Variants in DNAH17 observed in about 807,000 individuals in gnomAD.
The protein encoded by DNAH17 is dynein axonemal heavy chain 17, also known as axonemal beta dynein heavy chain 17.
Under a neutral mutation model 485.6 loss-of-function variants are expected in DNAH17, and 376 were observed. That is an observed-to-expected ratio of 0.77 (90% CI 0.71 to 0.84). The LOEUF is 0.84. DNAH17 is among the 40% of genes least tolerant of loss of function. DNAH17 has a pLI of 0.00. For missense variants in DNAH17, 6,370 were observed against 5,839.3 expected, an observed-to-expected ratio of 1.09 and a Z score of -2.96; for synonymous variants, 3,031 against 2,405.9, an observed-to-expected ratio of 1.26 and a Z score of -7.60.
chr17:78,560,852 A>G lies in DNAH17; in HGVS notation c.1919T>C (p.Ile640Thr), dbSNP rs1265269664. The G allele has an allele frequency of 1.9e-6, 3 of 1,551,614 alleles. No individual in the cohort carries two copies. Among genetic ancestry groups the G allele is most frequent in the East Asian group, 2.4e-5 (1 of 40,916 alleles). Reference protein sequence around the residue: ...MELLRCHREKIYQQWVAGVDQ... With the variant: ...MELLRCHREKTYQQWVAGVDQ... ...CACGCCCGCCACCCACTGCTGGTAG[A>G]TCTTCTCGCGGTGGCACCTCAGCAG... Residue 640 changes from isoleucine to threonine, a missense_variant, in exon 13 of 81, where the codon ATC (isoleucine) becomes ACC (threonine). Transcript: ENST00000389840.
At chr17:78,562,856 G>A (rs1246730090) in intron 11 of DNAH17, among the ~76,000 whole-genome samples, 1 of 152,120 alleles carries the variant, frequency 6.6e-6, no homozygotes, top group Non-Finnish European at 1.5e-5. Flanking sequence ...CCAAGTGGGA[G>A]GGGGACCAGA....
At chr17:78,552,197 T>C (rs1352589427) in intron 15 of DNAH17, among the ~76,000 whole-genome samples, 1 of 152,150 alleles carries the variant, frequency 6.6e-6, no homozygotes, top group East Asian at 1.9e-4. Context: ...CCCAGACTCC[T>C]CACGTTAAAG....
At chr17:78,489,402 A>G (rs1307132722) in intron 44 of DNAH17, 1 of 152,050 alleles carries the variant, frequency 6.6e-6, no homozygotes, top group Non-Finnish European at 1.5e-5. Flanking sequence ...CCAAGGCAGG[A>G]CTCGCCTCAC....
chr17:78,548,628 C>T (rs532315407), intron 16 of DNAH17, among the ~76,000 whole-genome samples: 8 of 152,302 alleles, frequency 5.3e-5, no homozygotes, highest in African/African-American at 1.9e-4. Flanking sequence ...CTTTGAACAG[C>T]CTCCTTTTGG....
chr17:78,476,562 C>G lies in DNAH17; in HGVS notation c.8154+10G>C. On this transcript the variant is annotated intron_variant, in intron 52 of 80. Coordinates refer to ENST00000389840, the MANE Select transcript of DNAH17 (RefSeq NM_173628.4). ...TGGGCTCGGCAGAGGGACTGGGCAGCTTGACTTACATCAAAGAACTTCTTG... is the reference window on the plus strand; with the variant it reads ...TGGGCTCGGCAGAGGGACTGGGCAGGTTGACTTACATCAAAGAACTTCTTG... 6.2e-7 allele frequency: 1 copy of G among 1,605,908 alleles called. No homozygotes were observed. The highest frequency in any genetic ancestry group is 1.1e-5 in the South Asian group (1 of 89,306).
rs2086469466 is a variant in DNAH17 at position 78,426,502 on chromosome 17, C to G, written c.12870G>C (p.Met4290Ile). The G allele has an allele frequency of 6.2e-7, 1 of 1,613,280 alleles. No individual in the cohort carries two copies. ...DTWVARAYPS[M>I]MGLAAWYADL... ...CTGCGTACCAGGCCGCCAGGCCCAT[C>G]ATGGAGGGGTAGGCCCGGGCCACCC... Residue 4290 changes from methionine (M) to isoleucine (I), a missense_variant, in exon 79 of 81, where the codon ATG becomes ATC. Coordinates refer to ENST00000389840, the MANE Select transcript of DNAH17 (RefSeq NM_173628.4).
intron 30 of DNAH17, among the ~76,000 whole-genome samples, 183 bp downstream of exon 30, chr17:78,506,537 T>A (rs1446228469): frequency 6.6e-6 from 1 of 152,098 alleles, no homozygotes; most frequent in Non-Finnish European, 1.5e-5. Context: ...GTGAGGCGAG[T>A]CCTGCCACGT....
Position 78,569,153 on chromosome 17 carries a change from G to A in DNAH17, c.1284+13C>T, listed in dbSNP as rs2143711606. ...GGAAGTGGAGGTCAAGATGCACCGAGTTCTGTTTTTACCTCAATGGTCTGG... is the reference window on the plus strand; with the variant it reads ...GGAAGTGGAGGTCAAGATGCACCGAATTCTGTTTTTACCTCAATGGTCTGG... On this transcript the variant is annotated intron_variant, in intron 9 of 80. Coordinates refer to ENST00000389840, the MANE Select transcript of DNAH17 (RefSeq NM_173628.4). 4.4e-6 allele frequency: 7 copies of A among 1,583,502 alleles called. No homozygotes were observed. Among genetic ancestry groups the A allele is most frequent in the Non-Finnish European group, 6.0e-6 (7 of 1,163,192 alleles).
chr17:78,499,374 A>C, intron 36 of DNAH17: 1 of 331,598 alleles, frequency 3.0e-6, no homozygotes, highest in Non-Finnish European at 5.4e-6. Context: ...GGAGTCCCTA[A>C]TAAGGGGCTC....
At chr17:78,498,037 G>C (rs1159090753) in intron 37 of DNAH17, among the ~76,000 whole-genome samples, 1 of 152,074 alleles carries the variant, frequency 6.6e-6, no homozygotes, top group Non-Finnish European at 1.5e-5. Flanking sequence ...AGCTACTCGG[G>C]AGGCTGAGGC....
intron 19 of DNAH17, among the ~76,000 whole-genome samples, chr17:78,536,227 C>T (rs897350732): frequency 7.2e-5 from 11 of 151,868 alleles, no homozygotes; most frequent in Non-Finnish European, 1.5e-4. Context: ...ATCACAAGGT[C>T]GGGAGATTGA....
rs1163968558 is a variant in DNAH17, at chr17:78,502,985, C to G, written c.4983G>C (p.Leu1661=). 2.5e-6 allele frequency: 4 copies of G among 1,613,720 alleles called. No homozygotes were observed. Among genetic ancestry groups the G allele is most frequent in the Non-Finnish European group, 3.4e-6 (4 of 1,179,856 alleles). ...GCCGGAGGGTAGAGCACATTCGGTC[C>G]AGCACTCGATTCAGCCACACTTCCA... ...GQVEVWLNRV[L]DRMCSTLRHE... Residue 1661 remains leucine, a synonymous_variant, in exon 32 of 81, where the codon CTG becomes CTC. Coordinates refer to ENST00000389840, the MANE Select transcript of DNAH17 (RefSeq NM_173628.4).
At chr17:78,451,700 G>A (rs762667992) in intron 65 of DNAH17, 27 bp from the exon 66 acceptor site, 25 of 1,534,292 alleles carry the variant, frequency 1.6e-5, no homozygotes, top group Non-Finnish European at 2.2e-5. Context: ...GAAAGGGTTA[G>A]TGGGCCTCCC....
In DNAH17 at chr17:78,575,387, G is replaced by C. The variant is rs149347996; in HGVS notation, c.-25-305C>G. ...GATAGAGATGAATGCTGGAGAAAGA[G>C]AGAAAAGGAAATGGCCGCAACCAGA... On this transcript the variant is annotated intron_variant, in intron 1 of 80. Coordinates refer to ENST00000389840, the MANE Select transcript of DNAH17 (RefSeq NM_173628.4). 3.0e-3 allele frequency among the ~76,000 whole-genome samples: 451 copies of C among 152,328 alleles called. 4 individuals carry two copies. The highest frequency in any genetic ancestry group is 0.01 in the African/African-American group (420 of 41,584).
At chr17:78,502,432 T>G in intron 33 of DNAH17, 159 bp downstream of exon 33, 1 of 611,344 alleles carries the variant, frequency 1.6e-6, no homozygotes, top group Non-Finnish European at 2.8e-6. Context: ...TGCGTGGCTG[T>G]TATTTGGCCT....
chr17:78,544,181 C>A (rs567138802), intron 16 of DNAH17, among the ~76,000 whole-genome samples, 184 bp from the exon 17 acceptor site: 21 of 152,262 alleles, frequency 1.4e-4, no homozygotes, highest in African/African-American at 4.3e-4. Context: ...GACTGTTGAC[C>A]AGAGAACCTT....
At chr17:78,550,050 G>C (rs563754401) in intron 16 of DNAH17, among the ~76,000 whole-genome samples, 2 of 152,324 alleles carry the variant, frequency 1.3e-5, no homozygotes, top group East Asian at 3.9e-4. Context: ...AGACAGACAA[G>C]AGACCTGGCC....
chr17:78,467,778 GA>G (rs1203118793), intron 55 of DNAH17, among the ~76,000 whole-genome samples: 1 of 152,146 alleles, frequency 6.6e-6, no homozygotes, highest in Non-Finnish European at 1.5e-5. Context: ...AGCACTTTGG[GA>G]GGCCGAGGCA....
Position 78,479,649 on chromosome 17 carries a change from A to T in DNAH17, c.7753-17T>A. The T allele has an allele frequency of 6.2e-7, 1 of 1,611,718 alleles. No homozygotes were observed. The highest frequency in any genetic ancestry group is 2.2e-5 in the East Asian group (1 of 44,846). On this transcript the variant is annotated splice_polypyrimidine_tract_variant and intron_variant, in intron 49 of 80. Coordinates refer to ENST00000389840, the MANE Select transcript of DNAH17 (RefSeq NM_173628.4). ...GAAATGGCGCTACCCCAAAACAACCAAACACTCCAGTCAGCCAGCTCTTGG... is the reference window on the plus strand; with the variant it reads ...GAAATGGCGCTACCCCAAAACAACCTAACACTCCAGTCAGCCAGCTCTTGG...
Sources: allele counts gnomAD v4.1 joint callset (sites outside exome capture counted in the v4.1 genomes callset), GRCh38; gene constraint gnomAD v4.1.1; transcripts MANE v1.5; gene names NCBI Gene and HGNC (gene_info 2026-07-23, HGNC 2026-07-21).